HS6ST2: variants seen among roughly 807,000 people sequenced by gnomAD.
HS6ST2 encodes the protein heparan-sulfate 6-O-sulfotransferase 2.
Under a neutral mutation model 33.0 loss-of-function variants are expected in HS6ST2, and 17 were observed. The observed-to-expected ratio is 0.52, with a 90% CI of 0.35 to 0.77. The LOEUF is 0.77. Ranked by LOEUF, HS6ST2 falls within the 30% of genes least tolerant of loss-of-function variation. The pLI, the probability that HS6ST2 is intolerant of heterozygous loss-of-function variation, is 0.01. For synonymous variants in HS6ST2, 248 were observed against 237.1 expected (o/e 1.05, Z -0.42); for missense variants, 519 against 551.7 (o/e 0.94, Z 0.59).
chrX:132,903,815 CA>C (rs1181932914), intron 2 of HS6ST2, among the ~76,000 whole-genome samples: 5 of 112,037 alleles, frequency 4.5e-5, no homozygotes, highest in African/African-American at 1.6e-4. Flanking sequence ...AAGATAAACT[CA>C]AAAAAGTAGT....
chrX:132,680,382 G>T, intron 3 of HS6ST2, among the ~76,000 whole-genome samples: 1 of 110,923 alleles, frequency 9.0e-6, no homozygotes, highest in Admixed American at 9.6e-5. Context: ...GAGCTATGTT[G>T]AGTTTTGTGT....
intron 2 of HS6ST2, among the ~76,000 whole-genome samples, chrX:132,947,266 A>G (rs2066967164): frequency 9.1e-6 from 1 of 109,811 alleles, no homozygotes; most frequent in Non-Finnish European, 1.9e-5. Context: ...TTAGATGTAT[A>G]TGTATATGTG....
At chrX:132,783,770 T>C (rs1415496424) in intron 2 of HS6ST2, among the ~76,000 whole-genome samples, 1 of 110,572 alleles carries the variant, frequency 9.0e-6, no homozygotes. Flanking sequence ...AGCACTGAGG[T>C]TTGTATTGGG....
intron 4 of HS6ST2, among the ~76,000 whole-genome samples, chrX:132,640,400 G>T (rs763954631): frequency 2.7e-5 from 3 of 111,023 alleles, no homozygotes; most frequent in Non-Finnish European, 3.8e-5. Context: ...GTGGGTGGAC[G>T]GCATTCTGAC....
At chrX:132,786,864 C>G (rs1220486300) in intron 2 of HS6ST2, among the ~76,000 whole-genome samples, 1 of 108,447 alleles carries the variant, frequency 9.2e-6, no homozygotes, top group Admixed American at 1.0e-4. Context: ...TCAGGCAATC[C>G]ACTCGCCTTA....
chrX:132,803,442 T>A (rs770095181), intron 2 of HS6ST2, among the ~76,000 whole-genome samples: 2 of 111,604 alleles, frequency 1.8e-5, no homozygotes, highest in East Asian at 5.6e-4. Flanking sequence ...AGAGTCTTGC[T>A]TTGTCACCCA....
rs766284389 is a variant in HS6ST2, at chrX:132,945,416, A to T, written c.947+11392T>A. Among the ~76,000 whole-genome samples, 8 of 111,913 alleles carry T rather than the reference A, an allele frequency of 7.1e-5. No homozygotes were observed. The East Asian group carries it at 2.3e-3, about 32-fold the overall frequency. The stretch of plus-strand genomic sequence containing the variant: ...TTTTACACTGTTGCTGGGACTGTAA[A>T]CTGGTTCAACCATTGTGGAAGTCAG... On this transcript the variant is annotated intron_variant, in intron 2 of 4. Coordinates refer to ENST00000370833, the MANE Select transcript of HS6ST2 (RefSeq NM_001394073.1).
chrX:132,936,921 GTC>G (rs930662198), intron 2 of HS6ST2, among the ~76,000 whole-genome samples: 2 of 109,861 alleles, frequency 1.8e-5, no homozygotes, highest in African/African-American at 6.6e-5. Flanking sequence ...AAGTCAAATT[GTC>G]TCTGTTTGCA....
intron 2 of HS6ST2, among the ~76,000 whole-genome samples, chrX:132,877,648 T>G (rs917089353): frequency 5.4e-5 from 6 of 111,173 alleles, no homozygotes; most frequent in Admixed American, 1.9e-4. Flanking sequence ...AGGTTGTTCC[T>G]AGAGCAAACA....
chrX:132,814,475 A>C (rs1310482239), intron 2 of HS6ST2, among the ~76,000 whole-genome samples: 1 of 111,994 alleles, frequency 8.9e-6, no homozygotes, highest in Admixed American at 9.4e-5. Context: ...CATATCTAGT[A>C]CTTGGTATTT....
At chrX:132,754,053 C>T (rs1042609198) in intron 2 of HS6ST2, among the ~76,000 whole-genome samples, 21 of 111,303 alleles carry the variant, frequency 1.9e-4, no homozygotes, top group African/African-American at 5.9e-4. Flanking sequence ...TTACTTTTTT[C>T]GGTTGCAGGA....
chrX:132,660,904 G>A (rs2063766759), intron 4 of HS6ST2, among the ~76,000 whole-genome samples: 1 of 111,920 alleles, frequency 8.9e-6, no homozygotes, highest in Non-Finnish European at 1.9e-5. Context: ...GAGGACTCAG[G>A]AAACTTACAA....
At chrX:132,944,742 A>C (rs754787155) in intron 2 of HS6ST2, among the ~76,000 whole-genome samples, 1,550 of 111,014 alleles carry the variant, frequency 0.014, 36 homozygotes, top group African/African-American at 0.049. Flanking sequence ...TGACAAAAAC[A>C]AGAAATGGGG....
intron 4 of HS6ST2, among the ~76,000 whole-genome samples, chrX:132,660,572 C>T (rs1469111998): frequency 1.8e-5 from 2 of 111,417 alleles, no homozygotes; most frequent in Non-Finnish European, 3.8e-5. Flanking sequence ...CCCTCCTCCC[C>T]ATGAATAGGA....
At chrX:132,660,802 C>T (rs1182327956) in intron 4 of HS6ST2, among the ~76,000 whole-genome samples, 1 of 111,750 alleles carries the variant, frequency 8.9e-6, no homozygotes, top group East Asian at 2.8e-4. Context: ...TGTATTAGTC[C>T]GTTCTCACAC....
chrX:132,955,788 C>T (rs1271610391), intron 2 of HS6ST2, among the ~76,000 whole-genome samples: 1 of 112,848 alleles, frequency 8.9e-6, no homozygotes, highest in Non-Finnish European at 1.9e-5. Flanking sequence ...TGCATGACCT[C>T]TAGCAACTGG....
intron 2 of HS6ST2, among the ~76,000 whole-genome samples, chrX:132,751,319 A>G (rs2064705938): frequency 9.0e-6 from 1 of 111,573 alleles, no homozygotes; most frequent in Non-Finnish European, 1.9e-5. Flanking sequence ...CAATGAGGTC[A>G]TCTAGTCTTC....
At chrX:132,834,417 G>T (rs773450635) in intron 2 of HS6ST2, among the ~76,000 whole-genome samples, 1 of 111,629 alleles carries the variant, frequency 9.0e-6, no homozygotes, top group African/African-American at 3.2e-5. Flanking sequence ...AGAGCTTATT[G>T]TTATTCCGCG....
chrX:132,814,685 G>A (rs2065380137), intron 2 of HS6ST2, among the ~76,000 whole-genome samples: 2 of 110,639 alleles, frequency 1.8e-5, no homozygotes, highest in Non-Finnish European at 3.8e-5. Flanking sequence ...TCAGAACCTG[G>A]TATATAAAAG....
Sources: allele counts gnomAD v4.1 joint callset (sites outside exome capture counted in the v4.1 genomes callset), GRCh38; gene constraint gnomAD v4.1.1; transcripts MANE v1.5; gene names NCBI Gene and HGNC (gene_info 2026-07-23, HGNC 2026-07-21).